The following IMMP2L variants were observed in gnomAD, a reference collection of about 807,000 sequenced individuals.
The protein encoded by IMMP2L is mitochondrial inner membrane protease subunit 2.
A neutral mutation model predicts 19.3 loss-of-function variants in IMMP2L; 18 were observed. That is an observed-to-expected ratio of 0.93 (90% CI 0.64 to 1.38). IMMP2L has a LOEUF of 1.38. Ranked by LOEUF, IMMP2L falls within the 40% of genes most tolerant of loss-of-function variation. The pLI, the probability that IMMP2L is intolerant of heterozygous loss-of-function variation, is 0.00. For missense variants in IMMP2L, 233 were observed against 218.2 expected (o/e 1.07, Z -0.43); for synonymous variants, 76 against 73.0 (o/e 1.04, Z -0.21).
intron 3 of IMMP2L, among the ~76,000 whole-genome samples, chr7:111,267,092 A>G (rs551727272): frequency 1.7e-4 from 26 of 152,276 alleles, no homozygotes; most frequent in Admixed American, 1.2e-3. Flanking sequence ...TCACAACTAC[A>G]AATTCAATTC....
intron 1 of IMMP2L, among the ~76,000 whole-genome samples, chr7:111,551,495 GGTGTGTGTGTGT>G (rs60697579): frequency 3.0e-4 from 44 of 145,354 alleles, no homozygotes; most frequent in Middle Eastern, 3.4e-3. Context: ...GACTGTTAGA[GGTGTGTGTGTGT>G]GTGTGTGTGT....
intron 3 of IMMP2L, among the ~76,000 whole-genome samples, chr7:111,466,112 G>A (rs571651983): frequency 6.6e-6 from 1 of 152,218 alleles, no homozygotes; most frequent in East Asian, 1.9e-4. Flanking sequence ...ACTCACAGAT[G>A]GGAATTGAAC....
At chr7:111,431,943 G>C (rs1468028956) in intron 3 of IMMP2L, among the ~76,000 whole-genome samples, 1 of 151,434 alleles carries the variant, frequency 6.6e-6, no homozygotes, top group African/African-American at 2.4e-5. Context: ...AAAAAAAATT[G>C]TATTCTTTGG....
intron 3 of IMMP2L, among the ~76,000 whole-genome samples, chr7:111,399,368 T>G (rs551696902): frequency 4.6e-5 from 7 of 151,914 alleles, no homozygotes; most frequent in African/African-American, 1.4e-4. Context: ...GCAAACAGAT[T>G]AATTTTTTTT....
intron 3 of IMMP2L, among the ~76,000 whole-genome samples, chr7:111,181,567 G>A (rs1439452924): frequency 6.6e-6 from 1 of 151,940 alleles, no homozygotes; most frequent in Non-Finnish European, 1.5e-5. Context: ...GCACAGCAAT[G>A]AATATAAACT....
At chr7:111,526,960 A>T (rs1846928269) in intron 1 of IMMP2L, among the ~76,000 whole-genome samples, 1 of 152,112 alleles carries the variant, frequency 6.6e-6, no homozygotes, top group African/African-American at 2.4e-5. Flanking sequence ...AGTTGCATTA[A>T]ATTCACATTT....
chr7:110,692,384 T>G (rs55995110), intron 5 of IMMP2L, among the ~76,000 whole-genome samples: 7,368 of 147,994 alleles, frequency 0.05, 224 homozygotes, highest in African/African-American at 0.091. Context: ...AAAAACTGCA[T>G]GTTAGGTACA....
intron 3 of IMMP2L, among the ~76,000 whole-genome samples, chr7:111,344,356 GTA>G (rs1827325908): frequency 6.6e-6 from 1 of 152,102 alleles, no homozygotes; most frequent in South Asian, 2.1e-4. Flanking sequence ...TTCACTTTGT[GTA>G]TGCCTGCTTC....
At chr7:110,981,459 A>G (rs934653886) in intron 3 of IMMP2L, among the ~76,000 whole-genome samples, 4 of 152,086 alleles carry the variant, frequency 2.6e-5, no homozygotes, top group Admixed American at 2.6e-4. Flanking sequence ...ATTAACAATT[A>G]TAACTATACT....
intron 3 of IMMP2L, among the ~76,000 whole-genome samples, chr7:111,087,236 T>A (rs1008060178): frequency 6.6e-6 from 1 of 151,924 alleles, no homozygotes; most frequent in Non-Finnish European, 1.5e-5. Flanking sequence ...GATCACGAGG[T>A]CAGGAGATCG....
chr7:111,191,069 G>T (rs1347460581), intron 3 of IMMP2L, among the ~76,000 whole-genome samples: 1 of 152,088 alleles, frequency 6.6e-6, no homozygotes, highest in Non-Finnish European at 1.5e-5. Flanking sequence ...GATAGTAAGG[G>T]TGAGAAGCAA....
intron 3 of IMMP2L, among the ~76,000 whole-genome samples, chr7:111,168,718 C>A (rs1806108229): frequency 6.6e-6 from 1 of 151,834 alleles, no homozygotes; most frequent in Non-Finnish European, 1.5e-5. Flanking sequence ...TATACTCTAT[C>A]CCTTCCCTAC....
chr7:111,292,134 C>T (rs572413993), intron 3 of IMMP2L, among the ~76,000 whole-genome samples: 6 of 152,172 alleles, frequency 3.9e-5, no homozygotes, highest in South Asian at 2.1e-4. Context: ...CTGGGAACCA[C>T]TCATGGCCTC....
intron 3 of IMMP2L, among the ~76,000 whole-genome samples, chr7:111,088,350 G>A (rs1474523954): frequency 3.3e-5 from 5 of 152,082 alleles, no homozygotes; most frequent in African/African-American, 1.2e-4. Context: ...AAACCCTGTA[G>A]ACATTTCCTA....
intron 3 of IMMP2L, among the ~76,000 whole-genome samples, chr7:111,071,010 A>G (rs1458412984): frequency 6.6e-6 from 1 of 152,206 alleles, no homozygotes; most frequent in Admixed American, 6.5e-5. Flanking sequence ...AAGAACTTAT[A>G]TAAATCAATA....
intron 5 of IMMP2L, among the ~76,000 whole-genome samples, chr7:110,849,275 ATATC>A (rs1179419823): frequency 6.6e-6 from 1 of 152,160 alleles, no homozygotes; most frequent in African/African-American, 2.4e-5. Flanking sequence ...CTCAGTGTAC[ATATC>A]TATCTGATTT....
intron 5 of IMMP2L, among the ~76,000 whole-genome samples, chr7:110,831,799 T>A (rs964615840): frequency 6.6e-6 from 1 of 152,182 alleles, no homozygotes; most frequent in Non-Finnish European, 1.5e-5. Context: ...GGTCACTGAT[T>A]TATTCAGAGG....
chr7:111,523,793 C>G (rs529753019), intron 1 of IMMP2L, among the ~76,000 whole-genome samples: 1 of 152,080 alleles, frequency 6.6e-6, no homozygotes, highest in South Asian at 2.1e-4. Context: ...CGTGTTTGGC[C>G]CAAGGTACTG....
chr7:111,200,439 C>G (rs1032882419), intron 3 of IMMP2L, among the ~76,000 whole-genome samples: 1 of 151,998 alleles, frequency 6.6e-6, no homozygotes, highest in African/African-American at 2.4e-5. Context: ...GTTTGCCCAA[C>G]AGTAGGGATT....
Sources: gnomAD v4.1 joint callset for allele counts (sites outside exome capture counted in the v4.1 genomes callset) on GRCh38, gnomAD v4.1.1 for gene constraint, MANE v1.5 for transcripts, NCBI Gene and HGNC (gene_info 2026-07-23, HGNC 2026-07-21) for gene names.